Variants in UBTD1 observed in about 807,000 individuals in gnomAD.
The protein encoded by UBTD1 is ubiquitin domain containing 1.
In UBTD1, 19 loss-of-function variants were observed where a neutral mutation model predicts 21.7. The observed-to-expected ratio is 0.87, with a 90% confidence interval of 0.61 to 1.28. The LOEUF (loss-of-function observed/expected upper bound fraction) is 1.28, where lower values mean the gene tolerates loss of function less well. Among genes scored for constraint, UBTD1 ranks in the 50% most tolerant of loss-of-function variants. The pLI is 0.00. For synonymous variants in UBTD1, 116 were observed against 135.1 expected (o/e 0.86, Z 0.98); for missense variants, 282 against 315.1 (o/e 0.89, Z 0.80).
intron 1 of UBTD1, among the ~76,000 whole-genome samples, chr10:97,510,788 A>G (rs1288327238): frequency 6.6e-6 from 1 of 152,204 alleles, no homozygotes; most frequent in Admixed American, 6.5e-5. Flanking sequence ...TAGTGTCATT[A>G]TCATAGAGAT....
chr10:97,568,909 C>T (rs1220664629), intron 2 of UBTD1, among the ~76,000 whole-genome samples: 2 of 152,118 alleles, frequency 1.3e-5, no homozygotes, highest in Non-Finnish European at 2.9e-5. Flanking sequence ...CCGCAACCTG[C>T]GCCGCCTGGG....
intron 1 of UBTD1, among the ~76,000 whole-genome samples, chr10:97,562,336 T>A (rs1315801603): frequency 6.6e-6 from 1 of 152,160 alleles, no homozygotes; most frequent in Non-Finnish European, 1.5e-5. Flanking sequence ...CCAAACAGGC[T>A]TTGTGTGAGC....
At chr10:97,532,205 C>T (rs986331728) in intron 1 of UBTD1, among the ~76,000 whole-genome samples, 8 of 152,110 alleles carry the variant, frequency 5.3e-5, no homozygotes, top group African/African-American at 1.9e-4. Flanking sequence ...ATCTCTTGGC[C>T]CTGGAGCAAA....
chr10:97,515,656 T>G (rs1433212891), intron 1 of UBTD1, among the ~76,000 whole-genome samples: 1 of 152,226 alleles, frequency 6.6e-6, no homozygotes, highest in African/African-American at 2.4e-5. Flanking sequence ...TTCACTTCTC[T>G]GCAGCCTGGC....
intron 1 of UBTD1, among the ~76,000 whole-genome samples, chr10:97,505,325 A>G (rs2040393791): frequency 6.6e-6 from 1 of 152,192 alleles, no homozygotes; most frequent in South Asian, 2.1e-4. Flanking sequence ...TAAAAACTGC[A>G]TGTGCTCCTT....
intron 1 of UBTD1, among the ~76,000 whole-genome samples, chr10:97,551,612 A>T (rs1196352868): frequency 1.3e-5 from 2 of 152,158 alleles, no homozygotes; most frequent in African/African-American, 4.8e-5. Flanking sequence ...AAACCAGCAG[A>T]GCCTGCCTGG....
chr10:97,565,933 C>T (rs1376578845), intron 1 of UBTD1, among the ~76,000 whole-genome samples: 2 of 152,010 alleles, frequency 1.3e-5, no homozygotes, highest in Non-Finnish European at 2.9e-5. Flanking sequence ...AGGCTGATCT[C>T]GAATTCCTGG....
At chr10:97,500,782 A>T (rs929794031) in intron 1 of UBTD1, among the ~76,000 whole-genome samples, 1 of 152,200 alleles carries the variant, frequency 6.6e-6, no homozygotes, top group Non-Finnish European at 1.5e-5. Context: ...CTCCCAGAGA[A>T]ATCTTGTTCA....
chr10:97,537,413 C>T (rs575663315), intron 1 of UBTD1, among the ~76,000 whole-genome samples: 38 of 152,318 alleles, frequency 2.5e-4, no homozygotes, highest in African/African-American at 7.7e-4. Context: ...CAGGGGCCAG[C>T]GACCTGCACA....
intron 1 of UBTD1, among the ~76,000 whole-genome samples, chr10:97,546,475 A>G (rs1193597959): frequency 6.6e-6 from 1 of 151,946 alleles, no homozygotes; most frequent in African/African-American, 2.4e-5. Context: ...CTGTAGTCCC[A>G]GCTACTGGGG....
At chr10:97,508,457 T>C (rs1267857040) in intron 1 of UBTD1, among the ~76,000 whole-genome samples, 3 of 152,226 alleles carry the variant, frequency 2.0e-5, no homozygotes, top group African/African-American at 7.2e-5. Flanking sequence ...GGAAAGCTGA[T>C]GGCCAGGAAA....
intron 1 of UBTD1, among the ~76,000 whole-genome samples, chr10:97,540,429 G>A (rs1479849968): frequency 1.3e-5 from 2 of 152,184 alleles, no homozygotes; most frequent in Non-Finnish European, 2.9e-5. Flanking sequence ...GAGTTCCAGA[G>A]CCAGCCCACC....
chr10:97,499,350 G>A, intron 1 of UBTD1, 77 bp downstream of exon 1: 1 of 1,464,620 alleles, frequency 6.8e-7, no homozygotes. Context: ...TGGGCTTACC[G>A]ATGGACTCCC....
At chr10:97,523,084 TG>T (rs2040473304) in intron 1 of UBTD1, among the ~76,000 whole-genome samples, 2 of 152,222 alleles carry the variant, frequency 1.3e-5, no homozygotes, top group African/African-American at 4.8e-5. Flanking sequence ...CTCTTCGGGC[TG>T]TGCACCCATA....
chr10:97,554,900 G>A (rs2040657121), intron 1 of UBTD1, among the ~76,000 whole-genome samples: 1 of 152,160 alleles, frequency 6.6e-6, no homozygotes, highest in African/African-American at 2.4e-5. Flanking sequence ...TCTTTCTTCT[G>A]TGGGAAGCCT....
At chr10:97,538,194 A>G (rs1257266325) in intron 1 of UBTD1, among the ~76,000 whole-genome samples, 1 of 151,864 alleles carries the variant, frequency 6.6e-6, no homozygotes, top group African/African-American at 2.4e-5. Context: ...CTTTGTTTTT[A>G]AAATTTACAT....
At chr10:97,565,027 AT>A (rs2040710935) in intron 1 of UBTD1, among the ~76,000 whole-genome samples, 1 of 152,208 alleles carries the variant, frequency 6.6e-6, no homozygotes, top group Non-Finnish European at 1.5e-5. Flanking sequence ...ACCAATGTAT[AT>A]CTCACATGTA....
At chr10:97,519,360 C>T (rs2040457527) in intron 1 of UBTD1, among the ~76,000 whole-genome samples, 1 of 152,176 alleles carries the variant, frequency 6.6e-6, no homozygotes, top group Non-Finnish European at 1.5e-5. Context: ...AAATAAGGGG[C>T]TACAGAGGAA....
At chr10:97,529,674 C>T (rs2040518452) in intron 1 of UBTD1, among the ~76,000 whole-genome samples, 1 of 152,026 alleles carries the variant, frequency 6.6e-6, no homozygotes, top group Non-Finnish European at 1.5e-5. Context: ...AGGGAGGTTG[C>T]AGTGAGCCGA....
Sources: gnomAD v4.1 joint callset for allele counts (sites outside exome capture counted in the v4.1 genomes callset) on GRCh38, gnomAD v4.1.1 for gene constraint, MANE v1.5 for transcripts, NCBI Gene and HGNC (gene_info 2026-07-23, HGNC 2026-07-21) for gene names.